Variants in TMEM132D observed in about 807,000 individuals in gnomAD.
The protein encoded by TMEM132D is transmembrane protein 132D, also known as mature OL transmembrane protein.
In TMEM132D, 21 loss-of-function variants were observed where a neutral mutation model predicts 62.3. That is an observed-to-expected ratio of 0.34 (90% confidence interval 0.24 to 0.49). The LOEUF (loss-of-function observed/expected upper bound fraction) is 0.49, where lower values mean the gene tolerates loss of function less well. Ranked by LOEUF, TMEM132D falls within the 20% of genes least tolerant of loss-of-function variation. The pLI, the probability that TMEM132D is intolerant of heterozygous loss-of-function variation, is 0.99. For missense variants in TMEM132D, 1,346 were observed against 1,402.8 expected (o/e 0.96, Z 0.65); for synonymous variants, 621 against 575.6 (o/e 1.08, Z -1.13).
At chr12:129,424,052 A>G (rs1872404950) in intron 3 of TMEM132D, among the ~76,000 whole-genome samples, 1 of 152,202 alleles carries the variant, frequency 6.6e-6, no homozygotes, top group African/African-American at 2.4e-5. Context: ...GTCTTCTATA[A>G]GTACTACATT....
chr12:129,209,408 G>T (rs1249681374), intron 5 of TMEM132D, 112 bp downstream of exon 5: 1 of 1,319,572 alleles, frequency 7.6e-7, no homozygotes, highest in East Asian at 2.4e-5. Flanking sequence ...GGATGGGAGG[G>T]ATCCTGTGGG....
At chr12:129,113,577 G>T (rs1875793319) in intron 5 of TMEM132D, among the ~76,000 whole-genome samples, 1 of 152,130 alleles carries the variant, frequency 6.6e-6, no homozygotes, top group Non-Finnish European at 1.5e-5. Context: ...ATTAGCAACA[G>T]GTGCTAAGGA....
intron 5 of TMEM132D, among the ~76,000 whole-genome samples, chr12:129,181,360 C>T (rs1593287760): frequency 6.6e-6 from 1 of 152,188 alleles, no homozygotes; most frequent in East Asian, 1.9e-4. Flanking sequence ...TCAACTCTTG[C>T]CCAGACAATT....
At chr12:129,702,757 A>G (rs1881414146) in intron 1 of TMEM132D, among the ~76,000 whole-genome samples, 2 of 152,254 alleles carry the variant, frequency 1.3e-5, no homozygotes, top group Admixed American at 1.3e-4. Context: ...CACAGTCTTT[A>G]AGAGAGTGCC....
intron 4 of TMEM132D, among the ~76,000 whole-genome samples, chr12:129,246,470 T>A (rs1880116205): frequency 6.6e-6 from 1 of 152,076 alleles, no homozygotes; most frequent in African/African-American, 2.4e-5. Context: ...AGTGTGCACC[T>A]GGGGGCTGGA....
chr12:129,495,964 T>C (rs933855865), intron 3 of TMEM132D, among the ~76,000 whole-genome samples: 1 of 152,174 alleles, frequency 6.6e-6, no homozygotes, highest in Non-Finnish European at 1.5e-5. Context: ...ATGAAATAAA[T>C]AGCAAACTCA....
chr12:129,636,048 T>C (rs968958787), intron 2 of TMEM132D, among the ~76,000 whole-genome samples: 2 of 152,340 alleles, frequency 1.3e-5, no homozygotes, highest in African/African-American at 4.8e-5. Context: ...TAGAAAGTAG[T>C]GTCTGGGTTA....
At chr12:129,553,647 G>A (rs142691847) in intron 2 of TMEM132D, among the ~76,000 whole-genome samples, 60 of 152,310 alleles carry the variant, frequency 3.9e-4, no homozygotes, top group African/African-American at 1.4e-3. Flanking sequence ...CATTGAATGT[G>A]TCATTGGGAA....
intron 5 of TMEM132D, among the ~76,000 whole-genome samples, chr12:129,163,681 C>A (rs1160980347): frequency 6.6e-6 from 1 of 152,230 alleles, no homozygotes; most frequent in Non-Finnish European, 1.5e-5. Context: ...CCGCTCCCTG[C>A]CCCTCCGGGC....
rs559580530 is a variant in TMEM132D, at chr12:129,095,069, T to C, written c.1444-10367A>G. On this transcript the variant is annotated intron_variant, in intron 5 of 8. Transcript: ENST00000422113. ...AGGGGGGAAGGATAGCATTAGGAGA[T>C]ATATCTAATGCTAAATGAAGAGTTA... Among the ~76,000 whole-genome samples, 31 of 151,510 alleles carry C rather than the reference T, an allele frequency of 2.0e-4. 2 individuals are homozygous for C. In the South Asian group the frequency reaches 6.5e-3, roughly 32 times the overall value.
At chr12:129,102,536 CACACATGCACACACAT>C (rs983900951) in intron 5 of TMEM132D, among the ~76,000 whole-genome samples, 1 of 151,762 alleles carries the variant, frequency 6.6e-6, no homozygotes, top group Non-Finnish European at 1.5e-5. Context: ...ACAACACACA[CACACATGCACACACAT>C]ACACACATGT....
intron 4 of TMEM132D, among the ~76,000 whole-genome samples, chr12:129,284,813 G>C (rs924596692): frequency 1.3e-5 from 2 of 152,222 alleles, no homozygotes; most frequent in African/African-American, 4.8e-5. Context: ...AAAGAAACCA[G>C]ACACAAAAGG....
Position 129,574,327 on chromosome 12 carries a change from C to T in TMEM132D, c.969-43122G>A, listed in dbSNP as rs143200320. On this transcript the variant is annotated intron_variant, in intron 2 of 8. Coordinates refer to ENST00000422113, the MANE Select transcript of TMEM132D (RefSeq NM_133448.3). ...GTAAAATCTGATAAACATGACTGCA[C>T]GTCTAAAACATTTTGTAATAAACTA... Among the ~76,000 whole-genome samples, 1,342 of 151,880 alleles carry T rather than the reference C, an allele frequency of 8.8e-3. 11 individuals are homozygous for T. The highest frequency in any genetic ancestry group is 0.014 in the Non-Finnish European group (986 of 68,010).
intron 1 of TMEM132D, among the ~76,000 whole-genome samples, chr12:129,808,774 C>T (rs1336091790): frequency 1.3e-5 from 2 of 150,542 alleles, no homozygotes; most frequent in Non-Finnish European, 3.0e-5. Context: ...GGAAGGAAGC[C>T]ATAGAGAACA....
chr12:129,396,072 G>A (rs7300267), intron 3 of TMEM132D, among the ~76,000 whole-genome samples: 11,810 of 148,444 alleles, frequency 0.08, 1,115 homozygotes, highest in African/African-American at 0.24. Flanking sequence ...TATATATTAT[G>A]TATCTATTAT....
intron 2 of TMEM132D, among the ~76,000 whole-genome samples, chr12:129,629,756 A>C (rs1025871209): frequency 7.9e-5 from 12 of 152,138 alleles, no homozygotes; most frequent in African/African-American, 2.9e-4. Context: ...TTGTATACAA[A>C]CCTTTGTGTA....
At chr12:129,239,452 T>A (rs896385557) in intron 4 of TMEM132D, among the ~76,000 whole-genome samples, 2 of 152,212 alleles carry the variant, frequency 1.3e-5, no homozygotes, top group Non-Finnish European at 2.9e-5. Flanking sequence ...CTGACACCAT[T>A]TGTTGATGAA....
At chr12:129,773,017 A>G (rs1187821809) in intron 1 of TMEM132D, among the ~76,000 whole-genome samples, 1 of 152,172 alleles carries the variant, frequency 6.6e-6, no homozygotes, top group Non-Finnish European at 1.5e-5. Context: ...GCAGAAAATC[A>G]TGAGGGAAGA....
chr12:129,715,047 C>T (rs1275903857), intron 1 of TMEM132D, among the ~76,000 whole-genome samples: 1 of 152,152 alleles, frequency 6.6e-6, no homozygotes, highest in African/African-American at 2.4e-5. Context: ...AGTGTTACAT[C>T]TCATAATTTT....
Sources: allele counts gnomAD v4.1 joint callset (sites outside exome capture counted in the v4.1 genomes callset), GRCh38; gene constraint gnomAD v4.1.1; transcripts MANE v1.5; gene names NCBI Gene and HGNC (gene_info 2026-07-23, HGNC 2026-07-21).